DBF4B: variants seen among roughly 807,000 people sequenced by gnomAD.
The protein encoded by DBF4B is protein DBF4 homolog B.
Under a neutral mutation model 53.4 loss-of-function variants are expected in DBF4B, and 49 were observed. That is an observed-to-expected ratio of 0.92 (90% CI 0.73 to 1.16). DBF4B has a LOEUF of 1.16. Ranked by LOEUF, DBF4B falls within the 50% of genes most tolerant of loss-of-function variation. The pLI is 0.00. For synonymous variants in DBF4B, 257 were observed against 288.7 expected, an observed-to-expected ratio of 0.89 and a Z score of 1.11; for missense variants, 692 against 775.0, an observed-to-expected ratio of 0.89 and a Z score of 1.27.
chr17:44,725,606 C>T (rs534856667), intron 3 of DBF4B, among the ~76,000 whole-genome samples: 1 of 151,628 alleles, frequency 6.6e-6, no homozygotes, highest in African/African-American at 2.4e-5. Flanking sequence ...GGGCAACTCC[C>T]TATATCCTTG....
intron 2 of DBF4B, among the ~76,000 whole-genome samples, chr17:44,715,747 C>A (rs1367734116): frequency 6.7e-6 from 1 of 149,148 alleles, no homozygotes; most frequent in African/African-American, 2.5e-5. Context: ...TTTTCTTCTG[C>A]TTCCTACATT....
intron 6 of DBF4B, chr17:44,732,514 A>C: frequency 2.0e-6 from 1 of 490,100 alleles, no homozygotes; most frequent in Admixed American, 3.5e-5. Flanking sequence ...GTCACCTGCT[A>C]CAGCTCTCCC....
At position 44,741,975 on chromosome 17, in the gene DBF4B, A is replaced by C. The variant is rs572717260; in HGVS notation, c.830+523A>C. 3.3e-5 allele frequency among the ~76,000 whole-genome samples: 5 copies of C among 152,244 alleles called. No individual in the cohort carries two copies. The East Asian group carries it at 9.7e-4, about 29-fold the overall frequency. ...AAAAATACAAGTTCTAGCTGGGCACAGTGGCTGATGCCTGTAATCTCAGCA... is the reference window on the plus strand; with the variant it reads ...AAAAATACAAGTTCTAGCTGGGCACCGTGGCTGATGCCTGTAATCTCAGCA... On this transcript the variant is annotated intron_variant, in intron 10 of 13. Transcript: ENST00000315005.
rs766617752 is a variant in DBF4B at position 44,722,879 on chromosome 17, G to C, written c.83-1G>C. The C allele has an allele frequency of 6.2e-7, 1 of 1,613,376 alleles. No homozygotes were observed. The highest frequency in any genetic ancestry group is 1.7e-5 in the Admixed American group (1 of 59,772). ...CTTTGCTCCTCTTTATTGTTTTCTAGGAGTTTCCAGGTGTCTAGGAAAATG... is the reference window on the plus strand; with the variant it reads ...CTTTGCTCCTCTTTATTGTTTTCTACGAGTTTCCAGGTGTCTAGGAAAATG... On this transcript the variant is annotated splice_acceptor_variant, in intron 2 of 13. Coordinates refer to ENST00000315005, the MANE Select transcript of DBF4B (RefSeq NM_145663.3). LOFTEE classifies it high-confidence loss of function.
At position 44,751,280 on chromosome 17, in the gene DBF4B, G is replaced by C. The variant is rs925717310; in HGVS notation, c.*27G>C. On this transcript the variant is annotated 3_prime_UTR_variant, in exon 14 of 14. Transcript: ENST00000315005. ...GGTGAACCCAGAACACCTGAGACTTGACCCAGGATGGATGGGTGCTGCTTG... is the reference window on the plus strand; with the variant it reads ...GGTGAACCCAGAACACCTGAGACTTCACCCAGGATGGATGGGTGCTGCTTG... The C allele has an allele frequency of 6.9e-6, 11 of 1,596,506 alleles. No homozygotes were observed. Among genetic ancestry groups the C allele is most frequent in the Middle Eastern group, 1.7e-4 (1 of 6,014 alleles).
intron 1 of DBF4B, 114 bp from the exon 2 acceptor site, chr17:44,709,190 C>T (rs1972635639): frequency 1.5e-6 from 2 of 1,342,534 alleles, no homozygotes; most frequent in Non-Finnish European, 2.1e-6. Flanking sequence ...TTGAGTCTTG[C>T]TGTTCCCAGG....
chr17:44,751,760 C>A lies in DBF4B; in HGVS notation c.*507C>A. The stretch of plus-strand genomic sequence containing the variant: ...CTGGGTAGCTCTGCCTGAAGCATTC[C>A]ACTAAGATCATCTATTCCAAGGTCA... On this transcript the variant is annotated 3_prime_UTR_variant, in exon 14 of 14. Coordinates refer to ENST00000315005, the MANE Select transcript of DBF4B (RefSeq NM_145663.3). 1.4e-6 allele frequency: 2 copies of A among 1,479,256 alleles called. No individual in the cohort carries two copies. The highest frequency in any genetic ancestry group is 2.0e-4 in the Middle Eastern group (1 of 4,976). 91.6% of individuals were successfully genotyped at this position (1,479,256 alleles called of 1,614,324 possible). A position where few individuals can be genotyped will look rare whatever the true frequency, so the allele number is the denominator to read the frequency against.
chr17:44,711,994 G>A (rs946411760), intron 2 of DBF4B, among the ~76,000 whole-genome samples: 1 of 151,540 alleles, frequency 6.6e-6, no homozygotes, highest in African/African-American at 2.4e-5. Flanking sequence ...CTACTTGGGA[G>A]GCTGAAGCAG....
chr17:44,716,046 A>G (rs1205201866), intron 2 of DBF4B, among the ~76,000 whole-genome samples: 1 of 149,358 alleles, frequency 6.7e-6, no homozygotes, highest in Non-Finnish European at 1.5e-5. Flanking sequence ...CTGGTCTTAA[A>G]CTCCCGATCT....
Position 44,749,106 on chromosome 17 carries a change from A to G in DBF4B, c.1189+641A>G, listed in dbSNP as rs779155241. 461 of 1,289,506 alleles carry G rather than the reference A, an allele frequency of 3.6e-4. No individual in the cohort carries two copies. The highest frequency in any genetic ancestry group is 4.2e-4 in the Non-Finnish European group (418 of 988,794). The allele number at this position is 1,289,506 out of a possible 1,614,324, so 79.9% of individuals were successfully genotyped here. ...GCTGGCCATCAGCTCCCCTGTACTCAGCTACCAGTGTGCAGCCCTCGGGAG... is the reference window on the plus strand; with the variant it reads ...GCTGGCCATCAGCTCCCCTGTACTCGGCTACCAGTGTGCAGCCCTCGGGAG... On this transcript the variant is annotated intron_variant, in intron 13 of 13. Transcript: ENST00000315005. The surrounding 1 kb of genome is among the most constrained non-coding windows in gnomAD (Gnocchi z 4.4).
chr17:44,710,976 A>ATTTTTTTTTTTTTTTTT (rs10522434), intron 2 of DBF4B, among the ~76,000 whole-genome samples: 2 of 98,304 alleles, frequency 2.0e-5, no homozygotes, highest in Non-Finnish European at 1.9e-5. Flanking sequence ...TTCCAGTTTG[A>ATTTTTTTTTTTTTTTTT]TTTTTTTTTT....
intron 11 of DBF4B, 55 bp from the exon 12 acceptor site, chr17:44,747,336 T>TC (rs1469696938): frequency 3.7e-6 from 6 of 1,606,920 alleles, no homozygotes; most frequent in Middle Eastern, 1.7e-4. Flanking sequence ...AGCTTCCGTG[T>TC]CCCCCTCCCC....
intron 3 of DBF4B, among the ~76,000 whole-genome samples, chr17:44,728,810 G>A (rs142401210): frequency 3.3e-5 from 5 of 151,666 alleles, no homozygotes; most frequent in Admixed American, 6.6e-5. Context: ...AAAAAAGGTA[G>A]ATGTGATCAG....
chr17:44,738,102 C>G (rs956150411), intron 8 of DBF4B, among the ~76,000 whole-genome samples: 4 of 152,250 alleles, frequency 2.6e-5, no homozygotes, highest in Non-Finnish European at 5.9e-5. Context: ...CCTCCAGAAT[C>G]CACACACAGG....
intron 12 of DBF4B, 120 bp downstream of exon 12, chr17:44,747,635 CA>C: frequency 7.5e-7 from 1 of 1,340,902 alleles, no homozygotes; most frequent in Non-Finnish European, 1.0e-6. Flanking sequence ...CCTCTTTTCT[CA>C]CCTTCCTTTC....
Position 44,722,980 on chromosome 17 carries a change from G to C in DBF4B, c.183G>C (p.Lys61Asn). 1 of 1,614,142 alleles carries C rather than the reference G, an allele frequency of 6.2e-7. No homozygotes were observed. The highest frequency in any genetic ancestry group is 8.5e-7 in the Non-Finnish European group (1 of 1,179,972). Reference protein sequence around the residue: ...KSFYLDLPAGKNLQFLTGAIQ... With the variant: ...KSFYLDLPAGNNLQFLTGAIQ... ...TTTACTTGGATCTGCCTGCTGGCAA[G>C]AATCTCCAGTTTTTGACGGGGGCCA... Residue 61 changes from lysine (K) to asparagine (N), a missense_variant, in exon 3 of 14, where the codon AAG (lysine) becomes AAC (asparagine). Lys to Asn is a moderately conservative substitution (Grantham distance 94). Transcript: ENST00000315005.
In DBF4B at chr17:44,750,107, C is replaced by CG. The variant is rs2049241907; in HGVS notation, c.1190-484dup. ...CTGCCTGCCCGAAGTTCGGCTGTTCCGGGGCCAGTGTGTCACCTGCCAACT... is the reference window on the plus strand; with the variant it reads ...CTGCCTGCCCGAAGTTCGGCTGTTCCGGGGGCCAGTGTGTCACCTGCCAACT... On this transcript the variant is annotated intron_variant, in intron 13 of 13. Coordinates refer to ENST00000315005, the MANE Select transcript of DBF4B (RefSeq NM_145663.3). 1.6e-5 allele frequency: 16 copies of CG among 996,460 alleles called. No individual in the cohort carries two copies. In the South Asian group the frequency reaches 6.3e-4, roughly 39 times the overall value. 61.7% of individuals were successfully genotyped at this position (996,460 alleles called of 1,614,324 possible).
In DBF4B at chr17:44,749,658, G is replaced by C; in HGVS notation, c.1190-937G>C. ...GTCTACAGTGGGCTTGCCCAGCTGA[G>C]GCTGGCCGCCCACGCCAGGAGGCAG... On this transcript the variant is annotated intron_variant, in intron 13 of 13. Transcript: ENST00000315005. This position sits in a 1 kb window ranked among gnomAD's most constrained non-coding sequence, Gnocchi z 4.4. The C allele has an allele frequency of 8.6e-7, 1 of 1,169,434 alleles. No individual in the cohort carries two copies. Among genetic ancestry groups the C allele is most frequent in the Non-Finnish European group, 1.1e-6 (1 of 930,644 alleles). The allele number at this position is 1,169,434 out of a possible 1,614,324, so 72.4% of individuals were successfully genotyped here.
chr17:44,718,216 G>A (rs1221957587), intron 2 of DBF4B, among the ~76,000 whole-genome samples: 3 of 151,942 alleles, frequency 2.0e-5, no homozygotes, highest in African/African-American at 7.3e-5. Context: ...CGGATCATGA[G>A]TTCAAGAGAT....
Sources: allele counts gnomAD v4.1 joint callset (sites outside exome capture counted in the v4.1 genomes callset), GRCh38; gene constraint gnomAD v4.1.1; non-coding constraint Gnocchi (gnomAD v3.1); transcripts MANE v1.5; gene names NCBI Gene and HGNC (gene_info 2026-07-23, HGNC 2026-07-21).